Variants in PCDHGA2 observed in about 807,000 individuals in gnomAD.
PCDHGA2 encodes the protein protocadherin gamma subfamily A, 2.
In PCDHGA2, 40 loss-of-function variants were observed where a neutral mutation model predicts 59.2. That is an observed-to-expected ratio of 0.68 (90% CI 0.52 to 0.88). PCDHGA2 has a LOEUF of 0.88. Ranked by LOEUF, PCDHGA2 falls within the 40% of genes least tolerant of loss-of-function variation. The pLI, the probability that PCDHGA2 is intolerant of heterozygous loss-of-function variation, is 0.00. For missense variants in PCDHGA2, 1,226 were observed against 1,204.0 expected, an observed-to-expected ratio of 1.02 and a Z score of -0.27; for synonymous variants, 560 against 526.0, an observed-to-expected ratio of 1.06 and a Z score of -0.89.
chr5:141,344,920 C>T, intron 1 of PCDHGA2: 1 of 1,613,888 alleles, frequency 6.2e-7, no homozygotes, highest in Non-Finnish European at 8.5e-7. Context: ...CATCTTAACT[C>T]AGTGAGTGGA....
rs953182246 is a variant in PCDHGA2, at chr5:141,511,757, C to T, written c.*584C>T. ...CTCAAGTTTTGGAGGACATGATCAC[C>T]ATCCCCATGGTACTGATGCTTGCTG... is the stretch of plus-strand genomic sequence containing the variant. On this transcript the variant is annotated 3_prime_UTR_variant, in exon 4 of 4. Coordinates refer to ENST00000394576, the MANE Select transcript of PCDHGA2 (RefSeq NM_018915.4). The T allele has an allele frequency of 6.9e-5, 12 of 174,122 alleles. No individual in the cohort carries two copies. The highest frequency in any genetic ancestry group is 2.8e-4 in the African/African-American group (12 of 42,412). The allele number at this position is 174,122 out of a possible 1,614,324, so 10.8% of individuals were successfully genotyped here.
intron 1 of PCDHGA2, chr5:141,364,735 T>G (rs1763510715): frequency 1.2e-6 from 2 of 1,613,916 alleles, no homozygotes; most frequent in Non-Finnish European, 1.7e-6. Context: ...GTTTCCGGGA[T>G]GAAGAGTTAA....
chr5:141,408,568 G>A (rs1282391205), intron 1 of PCDHGA2: 2 of 1,613,936 alleles, frequency 1.2e-6, no homozygotes, highest in African/African-American at 2.7e-5. Flanking sequence ...TCATTGTGGT[G>A]ATTGAGGATG....
intron 1 of PCDHGA2, chr5:141,362,085 A>G: frequency 3.1e-6 from 5 of 1,613,154 alleles, no homozygotes; most frequent in Non-Finnish European, 4.2e-6. Flanking sequence ...GTGATGGAGG[A>G]CAGCCGCCAC....
intron 1 of PCDHGA2, chr5:141,385,344 A>G (rs1444885751): frequency 6.4e-7 from 1 of 1,567,338 alleles, no homozygotes. Context: ...CCCTTCCTTT[A>G]TTTCCATGAG....
rs1007318194 is a variant in PCDHGA2, at chr5:141,512,035, T to G, written c.*862T>G. On this transcript the variant is annotated 3_prime_UTR_variant, in exon 4 of 4. Coordinates refer to ENST00000394576, the MANE Select transcript of PCDHGA2 (RefSeq NM_018915.4). ...AAGTTATCAAGGCCTTGGAGGAGGC[T>G]CTGTATGTCCTCAGGGGACTGACAA... 1.3e-5 allele frequency: 2 copies of G among 152,870 alleles called. No individual in the cohort carries two copies. Among genetic ancestry groups the G allele is most frequent in the African/African-American group, 4.8e-5 (2 of 41,464 alleles). The allele number at this position is 152,870 out of a possible 1,614,324, so 9.5% of individuals were successfully genotyped here.
Position 141,491,826 on chromosome 5 carries a change from C to A in PCDHGA2, c.2425-2981C>A. 1 of 1,477,526 alleles carries A rather than the reference C, an allele frequency of 6.8e-7. No homozygotes were observed. The highest frequency in any genetic ancestry group is 9.0e-7 in the Non-Finnish European group (1 of 1,114,486). The allele number at this position is 1,477,526 out of a possible 1,614,324, so 91.5% of individuals were successfully genotyped here. A position where few individuals can be genotyped will look rare whatever the true frequency, so the allele number is the denominator to read the frequency against. ...GGCTTGGTCGCTGGCTGCGCTCCAC[C>A]CGATTCTCGGGATCATTGGACCGTT... On this transcript the variant is annotated intron_variant, in intron 1 of 3. Transcript: ENST00000394576. The surrounding 1 kb of genome is among the most constrained non-coding windows in gnomAD (Gnocchi z 6.9).
Position 141,418,052 on chromosome 5 carries a change from G to A in PCDHGA2, c.2424+76657G>A, listed in dbSNP as rs202112422. 1.2e-3 allele frequency: 1,918 copies of A among 1,613,866 alleles called. 6 individuals are homozygous for A. Among genetic ancestry groups the A allele is most frequent in the East Asian group, 2.1e-3 (96 of 44,758 alleles). On this transcript the variant is annotated intron_variant, in intron 1 of 3. Coordinates refer to ENST00000394576, the MANE Select transcript of PCDHGA2 (RefSeq NM_018915.4). ...TAGTGTCCTGGATGTGTCGGCTCGC[G>A]AGCTGCGAGTGAGCGCGGAGAAGCT...
In PCDHGA2 at chr5:141,375,764, G is replaced by A. The variant is rs746447899; in HGVS notation, c.2424+34369G>A. 1.7e-5 allele frequency: 27 copies of A among 1,614,116 alleles called. No individual in the cohort carries two copies. The highest frequency in any genetic ancestry group is 2.0e-5 in the Non-Finnish European group (24 of 1,180,044). ...GCTGGACCAGAATGACAATGCGCCCGAGATCCTGTACCCCGCCCTCCCCAC... is the reference window on the plus strand; with the variant it reads ...GCTGGACCAGAATGACAATGCGCCCAAGATCCTGTACCCCGCCCTCCCCAC... On this transcript the variant is annotated intron_variant, in intron 1 of 3. Transcript: ENST00000394576.
At chr5:141,419,184 T>A in intron 1 of PCDHGA2, 1 of 1,613,938 alleles carries the variant, frequency 6.2e-7, no homozygotes, top group Non-Finnish European at 8.5e-7. Context: ...ACCCTGCACA[T>A]TACTGACGTC....
At chr5:141,379,452 A>G (rs1775607962) in intron 1 of PCDHGA2, 1 of 152,242 alleles carries the variant, frequency 6.6e-6, no homozygotes, top group Non-Finnish European at 1.5e-5. Flanking sequence ...TGATTATTTC[A>G]TAAACTCTGA....
intron 1 of PCDHGA2, among the ~76,000 whole-genome samples, chr5:141,467,903 C>G (rs1256664266): frequency 6.6e-6 from 1 of 152,156 alleles, no homozygotes. Context: ...AAGAAATCCG[C>G]CCACCTCAGC....
chr5:141,438,629 T>C (rs1162332421), intron 1 of PCDHGA2, among the ~76,000 whole-genome samples: 9 of 48,096 alleles, frequency 1.9e-4, no homozygotes, highest in Admixed American at 6.4e-4. Context: ...TATATATATA[T>C]ATATATACAC....
chr5:141,459,503 A>T (rs1346447458), intron 1 of PCDHGA2, among the ~76,000 whole-genome samples: 1 of 152,242 alleles, frequency 6.6e-6, no homozygotes, highest in Non-Finnish European at 1.5e-5. Flanking sequence ...AGTGATGTGA[A>T]CAATCATGTA....
At chr5:141,346,851 C>T (rs976506085) in intron 1 of PCDHGA2, among the ~76,000 whole-genome samples, 1 of 152,082 alleles carries the variant, frequency 6.6e-6, no homozygotes, top group Non-Finnish European at 1.5e-5. Flanking sequence ...ATTTTAAATC[C>T]CTGTGCTTTG....
chr5:141,421,829 T>C, intron 1 of PCDHGA2: 1 of 1,613,784 alleles, frequency 6.2e-7, no homozygotes, highest in Non-Finnish European at 8.5e-7. Flanking sequence ...GAGGGAAGCC[T>C]GGACCGAGAG....
At chr5:141,366,414 T>A (rs1294202579) in intron 1 of PCDHGA2, 1 of 1,614,124 alleles carries the variant, frequency 6.2e-7, no homozygotes, top group African/African-American at 1.3e-5. Context: ...TATCTTGTGG[T>A]GGCAGTGGCT....
intron 1 of PCDHGA2, chr5:141,341,623 T>C (rs1757073882): frequency 2.3e-6 from 2 of 866,614 alleles, no homozygotes; most frequent in Non-Finnish European, 3.4e-6. Flanking sequence ...AGTTAATAGA[T>C]AAGATTATCC....
Position 141,408,587 on chromosome 5 carries a change from C to A in PCDHGA2, c.2424+67192C>A, listed in dbSNP as rs768912219. 3 of 1,613,898 alleles carry A rather than the reference C, an allele frequency of 1.9e-6. No homozygotes were observed. The South Asian group carries it at 3.3e-5, about 18-fold the overall frequency. ...TGTGGTGATTGAGGATGTTAATGACCACGCCCCTCAATTTGATAAAAAGGA... is the reference window on the plus strand; with the variant it reads ...TGTGGTGATTGAGGATGTTAATGACAACGCCCCTCAATTTGATAAAAAGGA... On this transcript the variant is annotated intron_variant, in intron 1 of 3. Transcript: ENST00000394576.
Sources: allele counts gnomAD v4.1 joint callset (sites outside exome capture counted in the v4.1 genomes callset), GRCh38; gene constraint gnomAD v4.1.1; non-coding constraint Gnocchi (gnomAD v3.1); transcripts MANE v1.5; gene names NCBI Gene and HGNC (gene_info 2026-07-23, HGNC 2026-07-21).